CD8B2: variants seen among roughly 807,000 people sequenced by gnomAD.
CD8B2 encodes CD8B family member 2, also known as T-cell surface glycoprotein CD8 beta-2 chain.
In CD8B2, 11 loss-of-function variants were observed where a neutral mutation model predicts 23.7. That is an observed-to-expected ratio of 0.46 (90% CI 0.29 to 0.77). The LOEUF (loss-of-function observed/expected upper bound fraction) is 0.77, where lower values mean the gene tolerates loss of function less well. CD8B2 is among the 30% of genes least tolerant of loss of function. CD8B2 has a pLI of 0.09. For missense variants in CD8B2, 197 were observed against 270.5 expected (o/e 0.73, Z 1.91); for synonymous variants, 90 against 109.3 (o/e 0.82, Z 1.10).
At position 106,498,189 on chromosome 2, in the gene CD8B2, C is replaced by T. The variant is rs190854776; in HGVS notation, c.493+1927C>T. On this transcript the variant is annotated intron_variant, in intron 3 of 5. Transcript: ENST00000643224. Reference sequence around the variant, plus strand: ...TTGAAATGGAGTCTCACTCTGTTGCCCAGGCTGGAGTGCAGTGGCGTGATC... The same window carrying T: ...TTGAAATGGAGTCTCACTCTGTTGCTCAGGCTGGAGTGCAGTGGCGTGATC... Among the ~76,000 whole-genome samples, 1,513 of 151,700 alleles carry T rather than the reference C, an allele frequency of 1.0e-2. 31 individuals are homozygous for T. The highest frequency in any genetic ancestry group is 0.034 in the African/African-American group (1,411 of 41,328).
chr2:106,532,459 C>T (rs1174761771), intron 5 of CD8B2, among the ~76,000 whole-genome samples: 4 of 151,986 alleles, frequency 2.6e-5, no homozygotes, highest in African/African-American at 4.8e-5. Flanking sequence ...GAATTTGGGG[C>T]GAGTCCATAT....
At chr2:106,526,193 A>G (rs1293052952) in intron 5 of CD8B2, among the ~76,000 whole-genome samples, 7 of 151,558 alleles carry the variant, frequency 4.6e-5, no homozygotes, top group African/African-American at 1.2e-4. Flanking sequence ...GTGAGTGGAG[A>G]TTGCAGTACT....
chr2:106,489,740 T>C (rs1460958019), intron 1 of CD8B2, among the ~76,000 whole-genome samples: 1 of 152,200 alleles, frequency 6.6e-6, no homozygotes, highest in Non-Finnish European at 1.5e-5. Context: ...TATTTACCTG[T>C]GTACATGGCC....
At chr2:106,531,654 A>G (rs1306595904) in intron 5 of CD8B2, among the ~76,000 whole-genome samples, 1 of 152,122 alleles carries the variant, frequency 6.6e-6, no homozygotes, top group Non-Finnish European at 1.5e-5. Context: ...TGCCCCAGCT[A>G]CTTTCCCTCT....
intron 5 of CD8B2, chr2:106,521,944 A>T (rs1354000913): frequency 3.9e-5 from 6 of 152,252 alleles, no homozygotes; most frequent in African/African-American, 1.4e-4. Context: ...CTGCACTTCT[A>T]ACAGTTTCCC....
At chr2:106,517,204 G>A (rs1679742019) in intron 5 of CD8B2, among the ~76,000 whole-genome samples, 1 of 151,424 alleles carries the variant, frequency 6.6e-6, no homozygotes, top group African/African-American at 2.4e-5. Flanking sequence ...CTGATCCTGG[G>A]CTCCTGCTTT....
chr2:106,487,642 AC>A, intron 1 of CD8B2, among the ~76,000 whole-genome samples, 173 bp downstream of exon 1: 1 of 151,702 alleles, frequency 6.6e-6, no homozygotes, highest in African/African-American at 2.4e-5. Context: ...GAAATAAAAT[AC>A]CCCCATATCG....
chr2:106,529,008 G>T (rs1294419253), intron 5 of CD8B2, among the ~76,000 whole-genome samples: 1 of 152,154 alleles, frequency 6.6e-6, no homozygotes, highest in African/African-American at 2.4e-5. Flanking sequence ...GAGTGATTTA[G>T]GACCTGGCAA....
chr2:106,487,464 T>C lies in CD8B2; in HGVS notation c.38T>C (p.Leu13Pro). 1 of 1,247,446 alleles carries C rather than the reference T, an allele frequency of 8.0e-7. No individual in the cohort carries two copies. Among genetic ancestry groups the C allele is most frequent in the Non-Finnish European group, 1.0e-6 (1 of 997,350 alleles). 77.3% of individuals were successfully genotyped at this position (1,247,446 alleles called of 1,614,324 possible). Residue 13 changes from leucine (L) to proline (P), a missense_variant, in exon 1 of 6, where the codon CTG (leucine) becomes CCG (proline). Coordinates refer to ENST00000643224, the MANE Select transcript of CD8B2 (RefSeq NM_001349727.2). ...PRLWLLLAAQ[L>P]TVLHGNSVLQ... ...CTGTGGCTCCTCCTGGCCGCGCAGC[T>C]GACAGGTAAGGCGGCGGCGCGCGGG...
chr2:106,509,563 G>A lies in CD8B2; in HGVS notation c.*2623G>A, dbSNP rs1679581893. ...GTACTTGTTCACAAGTTCTCATGGG[G>A]TTGGGCTGGGGGCAGGGGTGGTTTG... is the stretch of plus-strand genomic sequence containing the variant. On this transcript the variant is annotated 3_prime_UTR_variant, in exon 6 of 6. Coordinates refer to ENST00000643224, the MANE Select transcript of CD8B2 (RefSeq NM_001349727.2). 6.6e-6 allele frequency: 1 copy of A among 152,022 alleles called. No individual in the cohort carries two copies. The highest frequency in any genetic ancestry group is 2.4e-5 in the African/African-American group (1 of 41,352). 9.4% of individuals were successfully genotyped at this position (152,022 alleles called of 1,614,324 possible).
intron 5 of CD8B2, among the ~76,000 whole-genome samples, chr2:106,536,230 C>T (rs1031475943): frequency 6.6e-6 from 1 of 151,982 alleles, no homozygotes; most frequent in Non-Finnish European, 1.5e-5. Flanking sequence ...CAGGGTTTCT[C>T]CATGTTGGTC....
At position 106,506,992 on chromosome 2, in the gene CD8B2, G is replaced by C. The variant is rs1223931211; in HGVS notation, c.*52G>C. On this transcript the variant is annotated 3_prime_UTR_variant, in exon 6 of 6. Transcript: ENST00000643224. ...CTACAAAAAGACATCGGTCAGTAAC[G>C]AGCACGATGTGGAAAAATGAGAGAA... 7.7e-6 allele frequency: 12 copies of C among 1,557,166 alleles called. No individual in the cohort carries two copies. The highest frequency in any genetic ancestry group is 9.6e-6 in the Non-Finnish European group (11 of 1,151,210).
intron 5 of CD8B2, among the ~76,000 whole-genome samples, chr2:106,530,148 A>C (rs1019109211): frequency 6.6e-6 from 1 of 152,190 alleles, no homozygotes; most frequent in Non-Finnish European, 1.5e-5. Context: ...TTCCTATTGT[A>C]TAAAGTGCAC....
chr2:106,507,240 C>T lies in CD8B2; in HGVS notation c.*300C>T. The T allele has an allele frequency of 8.2e-7, 1 of 1,213,006 alleles. No homozygotes were observed. 75.1% of individuals were successfully genotyped at this position (1,213,006 alleles called of 1,614,324 possible). ...ACCGCTTCCGGCTCCTGTGCTTTCC[C>T]TGAGCTGGGACCTTTAGTGGTGGCC... On this transcript the variant is annotated 3_prime_UTR_variant, in exon 6 of 6. Coordinates refer to ENST00000643224, the MANE Select transcript of CD8B2 (RefSeq NM_001349727.2).
intron 5 of CD8B2, among the ~76,000 whole-genome samples, chr2:106,504,573 G>C (rs1305229470): frequency 1.5e-5 from 1 of 68,236 alleles, no homozygotes; most frequent in African/African-American, 5.1e-5. Flanking sequence ...GCAACAGAGT[G>C]AGACCCCATC....
At chr2:106,520,412 A>T (rs1679805909) in intron 5 of CD8B2, among the ~76,000 whole-genome samples, 2 of 152,106 alleles carry the variant, frequency 1.3e-5, no homozygotes, top group African/African-American at 2.4e-5. Flanking sequence ...AGAATCATTG[A>T]GGCTCGGGGA....
In CD8B2 at chr2:106,504,658, C is replaced by G. The variant is rs1253714384; in HGVS notation, c.620+333C>G. 3.3e-5 allele frequency among the ~76,000 whole-genome samples: 5 copies of G among 152,208 alleles called. No individual in the cohort carries two copies. The East Asian group carries it at 9.7e-4, about 29-fold the overall frequency. On this transcript the variant is annotated intron_variant, in intron 5 of 5. Transcript: ENST00000643224. ...GAACCTAAGAGATAACCTAAACAAA[C>G]AAAAACCTGACCAATAAGTTAAATG...
At chr2:106,523,737 G>A (rs576217873) in intron 5 of CD8B2, among the ~76,000 whole-genome samples, 2 of 152,296 alleles carry the variant, frequency 1.3e-5, no homozygotes, top group African/African-American at 4.8e-5. Flanking sequence ...TAGGAGAACA[G>A]GAGGTAAGTC....
chr2:106,502,294 C>CAAAAAAAAAAAAAA (rs547491786), intron 3 of CD8B2, among the ~76,000 whole-genome samples, 180 bp from the exon 4 acceptor site: 3 of 69,530 alleles, frequency 4.3e-5, no homozygotes, highest in African/African-American at 6.3e-5. Context: ...GACTCTGTCT[C>CAAAAAAAAAAAAAA]AAAAAAAAAA....
Sources: allele counts gnomAD v4.1 joint callset (sites outside exome capture counted in the v4.1 genomes callset), GRCh38; gene constraint gnomAD v4.1.1; transcripts MANE v1.5; gene names NCBI Gene and HGNC (gene_info 2026-07-23, HGNC 2026-07-21).